Variants in TFDP1 observed in about 807,000 individuals in gnomAD.
The protein encoded by TFDP1 is transcription factor Dp-1.
TFDP1 carries 6 observed loss-of-function variants against 48.0 expected under a neutral mutation model. The observed-to-expected ratio is 0.13, with a 90% confidence interval of 0.07 to 0.25. The LOEUF is 0.25. Ranked by LOEUF, TFDP1 falls within the 10% of genes least tolerant of loss-of-function variation. The pLI is 1.00. For missense variants in TFDP1, 335 were observed against 543.0 expected, an observed-to-expected ratio of 0.62 and a Z score of 3.81; for synonymous variants, 201 against 211.6, an observed-to-expected ratio of 0.95 and a Z score of 0.44.
At chr13:113,601,378 T>C (rs1594432082) in intron 2 of TFDP1, among the ~76,000 whole-genome samples, 1 of 152,170 alleles carries the variant, frequency 6.6e-6, no homozygotes, top group Non-Finnish European at 1.5e-5. Context: ...GGGCTGTTGG[T>C]GGGGGTGTGT....
intron 2 of TFDP1, among the ~76,000 whole-genome samples, chr13:113,587,694 C>T (rs1420839684): frequency 2.6e-5 from 4 of 152,032 alleles, no homozygotes; most frequent in African/African-American, 4.8e-5. Context: ...ACCATGTTGC[C>T]CAGGCTGGGC....
intron 5 of TFDP1, among the ~76,000 whole-genome samples, chr13:113,632,087 G>A (rs1379256595): frequency 1.3e-5 from 2 of 152,268 alleles, no homozygotes; most frequent in Non-Finnish European, 1.5e-5. Context: ...TGTGCTGGGA[G>A]CATGTGGGAT....
rs1594531895 is a variant in TFDP1, at chr13:113,633,737, G to A, written c.475-153G>A. Among the ~76,000 whole-genome samples, 1 of 152,142 alleles carries A rather than the reference G, an allele frequency of 6.6e-6. No individual in the cohort carries two copies. The highest frequency in any genetic ancestry group is 1.9e-4 in the East Asian group (1 of 5,136). ...TTCGCACAGCCCCGTCTTGCCCTGC[G>A]TCATCTGTGGGGTGGGAGCGCTCCC... On this transcript the variant is annotated intron_variant, in intron 6 of 11. Coordinates refer to ENST00000375370, the MANE Select transcript of TFDP1 (RefSeq NM_007111.5). The surrounding 1 kb of genome is among the most constrained non-coding windows in gnomAD (Gnocchi z 4.5).
At chr13:113,628,328 A>G (rs2049244113) in intron 4 of TFDP1, among the ~76,000 whole-genome samples, 1 of 152,192 alleles carries the variant, frequency 6.6e-6, no homozygotes, top group Non-Finnish European at 1.5e-5. Context: ...CTGTGTCTGA[A>G]GCCATGTCAT....
intron 10 of TFDP1, 82 bp downstream of exon 10, chr13:113,636,782 G>GCTGTGTGAGGAATGGCCCCCAGCCTCC: frequency 1.3e-6 from 2 of 1,500,320 alleles, no homozygotes; most frequent in African/African-American, 2.8e-5. Flanking sequence ...TCCCGGCTCG[G>GCTGTGTGAGGAATGGCCCCCAGCCTCC]GATGTGTCTT....
chr13:113,594,201 G>GT, intron 2 of TFDP1, among the ~76,000 whole-genome samples: 1 of 91,728 alleles, frequency 1.1e-5, no homozygotes, highest in Non-Finnish European at 2.1e-5. Context: ...TCCTCACCCA[G>GT]CCAGGTGACA....
intron 2 of TFDP1, among the ~76,000 whole-genome samples, chr13:113,597,841 C>T (rs2048323527): frequency 6.6e-6 from 1 of 152,194 alleles, no homozygotes; most frequent in Non-Finnish European, 1.5e-5. Flanking sequence ...GCTGGGGACT[C>T]TGCGGCCTCT....
At chr13:113,622,874 CTT>C (rs1321627515) in intron 3 of TFDP1, among the ~76,000 whole-genome samples, 1 of 152,264 alleles carries the variant, frequency 6.6e-6, no homozygotes, top group East Asian at 1.9e-4. Flanking sequence ...GAATCACAGA[CTT>C]TTCCAGGCCG....
In TFDP1 at chr13:113,640,062, G is replaced by A. The variant is rs966021468; in HGVS notation, c.1086-58G>A. ...GTCATTTGACCACAAGCCCTGAGGC[G>A]GGGGGAGGCTGGGTGGGCCGCCTGC... On this transcript the variant is annotated intron_variant, in intron 11 of 11. Transcript: ENST00000375370. 10 of 1,291,206 alleles carry A rather than the reference G, an allele frequency of 7.7e-6. No homozygotes were observed. In the East Asian group the frequency reaches 1.5e-4, roughly 19 times the overall value. The allele number at this position is 1,291,206 out of a possible 1,614,324, so 80.0% of individuals were successfully genotyped here. A position where few individuals can be genotyped will look rare whatever the true frequency, so the allele number is the denominator to read the frequency against.
Position 113,633,843 on chromosome 13 carries a change from C to G in TFDP1, c.475-47C>G. 6.4e-7 allele frequency: 1 copy of G among 1,568,594 alleles called. No homozygotes were observed. On this transcript the variant is annotated intron_variant, in intron 6 of 11. Coordinates refer to ENST00000375370, the MANE Select transcript of TFDP1 (RefSeq NM_007111.5). The surrounding 1 kb of genome is among the most constrained non-coding windows in gnomAD (Gnocchi z 4.5). ...CCATGGTCTACAGTTTAAGGATCCACCGGCCTTTTTGGATCATTTGGAAAC... is the reference window on the plus strand; with the variant it reads ...CCATGGTCTACAGTTTAAGGATCCAGCGGCCTTTTTGGATCATTTGGAAAC...
chr13:113,585,888 C>T (rs747643964), intron 2 of TFDP1, 39 bp downstream of exon 2: 16 of 1,591,442 alleles, frequency 1.0e-5, no homozygotes, highest in Non-Finnish European at 1.4e-5. Flanking sequence ...GAATGTTTGC[C>T]TCGCACTAAA....
intron 2 of TFDP1, among the ~76,000 whole-genome samples, chr13:113,587,899 C>T (rs2048044933): frequency 6.6e-6 from 1 of 152,182 alleles, no homozygotes; most frequent in Admixed American, 6.5e-5. Flanking sequence ...GCTTGTTGCC[C>T]AGGCTAGAGT....
At chr13:113,585,067 A>G (rs180808352) in intron 1 of TFDP1, among the ~76,000 whole-genome samples, 179 bp downstream of exon 1, 61,196 of 146,256 alleles carry the variant, frequency 0.42, 13,349 homozygotes, top group African/African-American at 0.51. Flanking sequence ...CGGCGCTGGT[A>G]GGGGCTCCCC....
intron 2 of TFDP1, chr13:113,586,064 A>C (rs901283905): frequency 2.2e-6 from 1 of 463,560 alleles, no homozygotes; most frequent in East Asian, 3.1e-5. Flanking sequence ...TGGATACCAC[A>C]CTGCAGTTGG....
rs368788820 is a variant in TFDP1 at position 113,633,311 on chromosome 13, G to T, written c.474+26G>T. 2 of 1,605,200 alleles carry T rather than the reference G, an allele frequency of 1.2e-6. No individual in the cohort carries two copies. The highest frequency in any genetic ancestry group is 4.5e-5 in the East Asian group (2 of 44,684). On this transcript the variant is annotated intron_variant, in intron 6 of 11. Transcript: ENST00000375370. The surrounding 1 kb of genome is among the most constrained non-coding windows in gnomAD (Gnocchi z 4.5). ...GTAAGTGTGTGCCGGGGGCCGAGAG[G>T]CTGGGGTGGCGGAGCCCAGCGGTGT... is the stretch of plus-strand genomic sequence containing the variant.
chr13:113,629,937 C>T (rs2140560308), intron 4 of TFDP1, among the ~76,000 whole-genome samples: 1 of 152,274 alleles, frequency 6.6e-6, no homozygotes, highest in South Asian at 2.1e-4. Flanking sequence ...GTGGGATTCT[C>T]CAGCCCCCTG....
Position 113,640,865 on chromosome 13 carries a change from AAGTTTGT to A in TFDP1, c.*600_*606del, listed in dbSNP as rs1248773528. On this transcript the variant is annotated 3_prime_UTR_variant, in exon 12 of 12. Coordinates refer to ENST00000375370, the MANE Select transcript of TFDP1 (RefSeq NM_007111.5). Reference sequence around the variant, plus strand: ...TTATATTGACTGTTGTGATTCCATCAAGTTTGTACACTCTTTTCTCTCCCTGTTTTGC... The same window carrying A: ...TTATATTGACTGTTGTGATTCCATCAACACTCTTTTCTCTCCCTGTTTTGC... 1 of 153,242 alleles carries A rather than the reference AAGTTTGT, an allele frequency of 6.5e-6. No individual in the cohort carries two copies. Among genetic ancestry groups the A allele is most frequent in the Non-Finnish European group, 1.5e-5 (1 of 68,554 alleles). The allele number at this position is 153,242 out of a possible 1,614,324, so 9.5% of individuals were successfully genotyped here.
At chr13:113,597,778 T>C (rs2048321617) in intron 2 of TFDP1, among the ~76,000 whole-genome samples, 1 of 152,240 alleles carries the variant, frequency 6.6e-6, no homozygotes. Context: ...GGGACGGCCA[T>C]TGCCGTGTGT....
chr13:113,638,890 C>G (rs1174774530), intron 11 of TFDP1, among the ~76,000 whole-genome samples: 1 of 152,122 alleles, frequency 6.6e-6, no homozygotes, highest in Non-Finnish European at 1.5e-5. Context: ...AATACAAGAA[C>G]TCAGTAACCT....
Sources: allele counts gnomAD v4.1 joint callset (sites outside exome capture counted in the v4.1 genomes callset), GRCh38; gene constraint gnomAD v4.1.1; non-coding constraint Gnocchi (gnomAD v3.1); transcripts MANE v1.5; gene names NCBI Gene and HGNC (gene_info 2026-07-23, HGNC 2026-07-21).